PTPN13: variants seen among roughly 807,000 people sequenced by gnomAD.
PTPN13 encodes tyrosine-protein phosphatase non-receptor type 13.
PTPN13 carries 191 observed loss-of-function variants against 284.0 expected under a neutral mutation model. The observed-to-expected ratio is 0.67, with a 90% CI of 0.60 to 0.76. The LOEUF (loss-of-function observed/expected upper bound fraction) is 0.76, where lower values mean the gene tolerates loss of function less well. PTPN13 is among the 30% of genes least tolerant of loss of function. PTPN13 has a pLI of 0.00. For missense variants in PTPN13, 2,797 were observed against 2,939.9 expected, an observed-to-expected ratio of 0.95 and a Z score of 1.12; for synonymous variants, 986 against 1,022.3, an observed-to-expected ratio of 0.96 and a Z score of 0.68.
At chr4:86,718,455 C>CTTTTTTTTTT (rs796389778) in intron 9 of PTPN13, among the ~76,000 whole-genome samples, 7 of 140,164 alleles carry the variant, frequency 5.0e-5, no homozygotes, top group Admixed American at 2.9e-4. Context: ...TAATGGTCCA[C>CTTTTTTTTTT]TTTTTTTTTT....
intron 3 of PTPN13, among the ~76,000 whole-genome samples, chr4:86,685,507 G>A (rs982158259): frequency 6.6e-6 from 1 of 152,186 alleles, no homozygotes; most frequent in African/African-American, 2.4e-5. Flanking sequence ...TATTTGAGAA[G>A]CTGAGACAGG....
chr4:86,724,694 C>T (rs1734038413), intron 10 of PTPN13, among the ~76,000 whole-genome samples: 1 of 152,102 alleles, frequency 6.6e-6, no homozygotes, highest in Non-Finnish European at 1.5e-5. Flanking sequence ...TATTCTTTCC[C>T]ACAGCATAAA....
intron 19 of PTPN13, 37 bp from the exon 20 acceptor site, chr4:86,752,972 A>G (rs1737558182): frequency 4.7e-6 from 7 of 1,478,822 alleles, no homozygotes; most frequent in Non-Finnish European, 6.5e-6. Context: ...GCATCTGACC[A>G]TCTTATGAAA....
Position 86,750,596 on chromosome 4 carries a change from C to T in PTPN13, c.2777C>T (p.Ser926Leu), listed in dbSNP as rs957692947. The change falls in exon 18 of 48, where the codon TCA becomes TTA. Residue 926 changes from serine (S) to leucine (L), a missense_variant. Transcript: ENST00000411767. ...AACAAACTTGCTGTTCGACCTTTAT[C>T]AGTTCAAGCTGAGATTCTGAAGAGG... is the stretch of plus-strand genomic sequence containing the variant. ...TLNKLAVRPL[S>L]VQAEILKRLS... 1.9e-6 allele frequency: 3 copies of T among 1,613,950 alleles called. No individual in the cohort carries two copies. Among genetic ancestry groups the T allele is most frequent in the African/African-American group, 2.7e-5 (2 of 75,026 alleles).
intron 2 of PTPN13, among the ~76,000 whole-genome samples, chr4:86,656,734 C>T (rs1289984214): frequency 1.3e-5 from 2 of 152,178 alleles, no homozygotes; most frequent in Non-Finnish European, 2.9e-5. Context: ...CTGGGAGAAC[C>T]ACTGCTCTCT....
intron 1 of PTPN13, chr4:86,595,783 G>C (rs1355449290): frequency 4.1e-6 from 4 of 984,546 alleles, no homozygotes; most frequent in Non-Finnish European, 4.8e-6. Context: ...GATGAAGGGC[G>C]CTGGTAACTA....
At chr4:86,805,465 C>T (rs1381997599) in intron 44 of PTPN13, 96 bp downstream of exon 44, 2 of 569,888 alleles carry the variant, frequency 3.5e-6, no homozygotes, top group East Asian at 3.2e-5. Context: ...CTCACATAAC[C>T]GTGTGCATGT....
chr4:86,721,154 A>G (rs185208880), intron 9 of PTPN13, among the ~76,000 whole-genome samples: 26 of 152,206 alleles, frequency 1.7e-4, no homozygotes, highest in African/African-American at 6.3e-4. Flanking sequence ...GATAACAATG[A>G]TAATTATTTT....
chr4:86,753,683 ATCACTGGC>A (rs759851181), intron 20 of PTPN13, among the ~76,000 whole-genome samples: 33 of 152,114 alleles, frequency 2.2e-4, no homozygotes, highest in Non-Finnish European at 4.0e-4. Flanking sequence ...TGACTTGAAC[ATCACTGGC>A]TTTAAAATTT....
chr4:86,659,348 T>G (rs530072661), intron 2 of PTPN13, among the ~76,000 whole-genome samples: 3 of 152,174 alleles, frequency 2.0e-5, no homozygotes, highest in Non-Finnish European at 4.4e-5. Context: ...AGACTCTAAA[T>G]TTTATCAAAA....
intron 2 of PTPN13, among the ~76,000 whole-genome samples, chr4:86,651,040 C>G (rs1725021256): frequency 6.6e-6 from 1 of 152,260 alleles, no homozygotes; most frequent in Admixed American, 6.5e-5. Flanking sequence ...CAGTATAATA[C>G]TAGCTGTGAG....
At chr4:86,761,161 T>TATATAC (rs1738639233) in intron 23 of PTPN13, among the ~76,000 whole-genome samples, 2 of 145,760 alleles carry the variant, frequency 1.4e-5, no homozygotes, top group East Asian at 4.0e-4. Flanking sequence ...TATATATATA[T>TATATAC]ATATATATAA....
chr4:86,697,616 T>TA (rs1269178276), intron 6 of PTPN13, among the ~76,000 whole-genome samples: 2 of 152,162 alleles, frequency 1.3e-5, no homozygotes, highest in African/African-American at 4.8e-5. Context: ...GGTGGAAACT[T>TA]ACACTATTAT....
intron 3 of PTPN13, among the ~76,000 whole-genome samples, chr4:86,681,355 G>A (rs896297403): frequency 2.6e-5 from 4 of 151,982 alleles, no homozygotes; most frequent in East Asian, 1.9e-4. Context: ...TCTCTCCTAC[G>A]GAACATTTGA....
In PTPN13 at chr4:86,799,201, A is replaced by G. The variant is rs1259919682; in HGVS notation, c.6502A>G (p.Lys2168Glu). Residue 2168 changes from lysine (K) to glutamate (E), a missense_variant, in exon 42 of 48, where the codon AAA becomes GAA. Coordinates refer to ENST00000411767, the MANE Select transcript of PTPN13 (RefSeq NM_080683.3). The part of the protein sequence containing the change: ...IERTNHEDSD[K>E]DHSFLTNDEL... ...GAGAACAAACCATGAAGATTCTGAT[A>G]AAGGCAAGAATTTTAATGACAGTTT... 1 of 1,525,656 alleles carries G rather than the reference A, an allele frequency of 6.6e-7. No individual in the cohort carries two copies. The highest frequency in any genetic ancestry group is 2.3e-5 in the Admixed American group (1 of 43,866). 94.5% of individuals were successfully genotyped at this position (1,525,656 alleles called of 1,614,324 possible). A position where few individuals can be genotyped will look rare whatever the true frequency, so the allele number is the denominator to read the frequency against.
intron 7 of PTPN13, among the ~76,000 whole-genome samples, chr4:86,708,426 G>T (rs1732003505): frequency 6.6e-6 from 1 of 152,012 alleles, no homozygotes; most frequent in South Asian, 2.1e-4. Flanking sequence ...TTAAATACTA[G>T]GGAAAATTAA....
chr4:86,805,799 G>A (rs1281783336), intron 44 of PTPN13, among the ~76,000 whole-genome samples: 1 of 152,052 alleles, frequency 6.6e-6, no homozygotes, highest in East Asian at 1.9e-4. Context: ...GTATATATAT[G>A]CATATGACTA....
intron 21 of PTPN13, 100 bp downstream of exon 21, chr4:86,758,449 T>C (rs1738262623): frequency 9.3e-7 from 1 of 1,079,946 alleles, no homozygotes; most frequent in African/African-American, 1.6e-5. Flanking sequence ...TCACTTCTGG[T>C]CTCAAGATAC....
chr4:86,615,426 TTC>T (rs1362998737), intron 1 of PTPN13, among the ~76,000 whole-genome samples: 2 of 152,156 alleles, frequency 1.3e-5, no homozygotes, highest in Non-Finnish European at 2.9e-5. Flanking sequence ...TGTGTGTTAA[TTC>T]TGTTTTGATC....
Sources: allele counts gnomAD v4.1 joint callset (sites outside exome capture counted in the v4.1 genomes callset), GRCh38; gene constraint gnomAD v4.1.1; transcripts MANE v1.5; gene names NCBI Gene and HGNC (gene_info 2026-07-23, HGNC 2026-07-21).